Variants in EYS observed in about 807,000 individuals in gnomAD.
EYS encodes the protein EGF-like photoreceptor maintenance factor.
EYS carries 250 observed loss-of-function variants against 282.1 expected under a neutral mutation model. That is an observed-to-expected ratio of 0.89 (90% CI 0.80 to 0.98). The LOEUF (loss-of-function observed/expected upper bound fraction) is 0.98, where lower values mean the gene tolerates loss of function less well. Among genes scored for constraint, EYS ranks in the 50% least tolerant of loss-of-function variants. EYS has a pLI of 0.00. For missense variants in EYS, 4,016 were observed against 3,709.0 expected, an observed-to-expected ratio of 1.08 and a Z score of -2.15; for synonymous variants, 1,355 against 1,282.9, an observed-to-expected ratio of 1.06 and a Z score of -1.20.
chr6:65,364,447 A>T (rs4320350), intron 8 of EYS, among the ~76,000 whole-genome samples: 102,312 of 150,860 alleles, frequency 0.68, 34,922 homozygotes, highest in South Asian at 0.71. Context: ...GTTGAAAAAA[A>T]TTTTTTCAAA....
At chr6:65,685,488 T>C (rs9294646) in intron 1 of EYS, among the ~76,000 whole-genome samples, 65,790 of 151,852 alleles carry the variant, frequency 0.43, 15,346 homozygotes, top group East Asian at 0.65. Flanking sequence ...AGCCAATAGA[T>C]AGACTTAAGG....
At chr6:63,925,896 G>A (rs1322262779) in intron 35 of EYS, among the ~76,000 whole-genome samples, 6 of 152,024 alleles carry the variant, frequency 3.9e-5, no homozygotes, top group Middle Eastern at 3.4e-3. Context: ...CGCCCACCTC[G>A]GCCTCCCAAA....
At position 65,416,363 on chromosome 6, in the gene EYS, C is replaced by T. The variant is rs141312756; in HGVS notation, c.863-10996G>A. 8.1e-3 allele frequency among the ~76,000 whole-genome samples: 1,225 copies of T among 151,974 alleles called. 12 individuals are homozygous for T. Among genetic ancestry groups the T allele is most frequent in the Non-Finnish European group, 0.012 (844 of 67,852 alleles). On this transcript the variant is annotated intron_variant, in intron 5 of 42. Coordinates refer to ENST00000503581, the MANE Select transcript of EYS (RefSeq NM_001142800.2). ...ATGTTCATGATAAAGAAACAATTCT[C>T]CAAGTGTAAGTTATTATCATTTTTA...
At chr6:64,641,300 T>C (rs532440042) in intron 22 of EYS, among the ~76,000 whole-genome samples, 1 of 152,238 alleles carries the variant, frequency 6.6e-6, no homozygotes, top group East Asian at 1.9e-4. Flanking sequence ...GAGAGACTCA[T>C]TCACTATCAC....
In EYS at chr6:65,278,679, T is replaced by A. The variant is rs150555892; in HGVS notation, c.2023+17184A>T. Among the ~76,000 whole-genome samples, 340 of 152,234 alleles carry A rather than the reference T, an allele frequency of 2.2e-3. 3 individuals are homozygous for A. The highest frequency in any genetic ancestry group is 7.4e-3 in the Admixed American group (113 of 15,278). Reference sequence around the variant, plus strand: ...GTTTACTTTGTCATGCTCACTATTGTATATAATTTATCATTTGTTGCTGAC... The same window carrying A: ...GTTTACTTTGTCATGCTCACTATTGAATATAATTTATCATTTGTTGCTGAC... On this transcript the variant is annotated intron_variant, in intron 12 of 42. Transcript: ENST00000503581.
chr6:64,247,816 T>C lies in EYS; in HGVS notation c.6192-16992A>G, dbSNP rs1340478694. On this transcript the variant is annotated intron_variant, in intron 30 of 42. Coordinates refer to ENST00000503581, the MANE Select transcript of EYS (RefSeq NM_001142800.2). ...AACAGAAAACACTTAATAAACAGAC[T>C]CAGGGTCTCAAGGTAAATATTTGTA... 2.6e-5 allele frequency among the ~76,000 whole-genome samples: 4 copies of C among 152,168 alleles called. No homozygotes were observed. The East Asian group carries it at 7.7e-4, about 29-fold the overall frequency.
intron 33 of EYS, among the ~76,000 whole-genome samples, chr6:64,048,696 T>C (rs1469808106): frequency 6.6e-6 from 1 of 152,162 alleles, no homozygotes; most frequent in Non-Finnish European, 1.5e-5. Flanking sequence ...CTAGTCATTT[T>C]TTTTTGTTCA....
At chr6:63,990,422 A>T (rs1476842307) in intron 34 of EYS, among the ~76,000 whole-genome samples, 2 of 151,746 alleles carry the variant, frequency 1.3e-5, no homozygotes, top group Non-Finnish European at 3.0e-5. Context: ...GCATGGCATG[A>T]TGAAGAGAAA....
At chr6:65,655,542 A>G (rs1412143194) in intron 1 of EYS, among the ~76,000 whole-genome samples, 1 of 151,824 alleles carries the variant, frequency 6.6e-6, no homozygotes, top group African/African-American at 2.4e-5. Context: ...ATATCTAGCC[A>G]TGAGAAAAAC....
chr6:64,167,211 C>T (rs1356656796), intron 31 of EYS, among the ~76,000 whole-genome samples: 5 of 152,022 alleles, frequency 3.3e-5, no homozygotes, highest in African/African-American at 7.3e-5. Flanking sequence ...GGAATGATTA[C>T]CATATATTTA....
At chr6:64,912,098 C>T (rs1768013201) in intron 16 of EYS, among the ~76,000 whole-genome samples, 1 of 152,046 alleles carries the variant, frequency 6.6e-6, no homozygotes, top group Non-Finnish European at 1.5e-5. Flanking sequence ...AGAAAATGTA[C>T]AATAGGGCAT....
At chr6:64,114,971 C>T (rs1773327509) in intron 31 of EYS, among the ~76,000 whole-genome samples, 1 of 152,150 alleles carries the variant, frequency 6.6e-6, no homozygotes, top group South Asian at 2.1e-4. Context: ...GGAGCTGCGG[C>T]CACTCTGTGC....
chr6:64,426,782 T>C (rs1045610778), intron 28 of EYS, among the ~76,000 whole-genome samples: 1 of 152,164 alleles, frequency 6.6e-6, no homozygotes, highest in East Asian at 1.9e-4. Context: ...TAAACTTCTA[T>C]AAGCAACTTA....
At chr6:65,225,755 C>T (rs113641708) in intron 12 of EYS, among the ~76,000 whole-genome samples, 1,618 of 149,686 alleles carry the variant, frequency 0.011, 32 homozygotes, top group African/African-American at 0.038. Context: ...AACCAATCCA[C>T]GTAACTTTAA....
intron 10 of EYS, among the ~76,000 whole-genome samples, chr6:65,342,531 C>A (rs1770237957): frequency 6.6e-6 from 1 of 150,454 alleles, no homozygotes; most frequent in African/African-American, 2.4e-5. Context: ...GATGCCTGAA[C>A]AATTAATCAA....
chr6:64,608,170 T>C lies in EYS; in HGVS notation c.3684+9248A>G, dbSNP rs984000491. Among the ~76,000 whole-genome samples, 4 of 152,180 alleles carry C rather than the reference T, an allele frequency of 2.6e-5. No homozygotes were observed. In the East Asian group the frequency reaches 5.8e-4, roughly 22 times the overall value. On this transcript the variant is annotated intron_variant, in intron 24 of 42. Transcript: ENST00000503581. Reference sequence around the variant, plus strand: ...TTAGTTGTGATTAACACCACAATAATTGTAATCCATTCATGTTTTCGTTCA... The same window carrying C: ...TTAGTTGTGATTAACACCACAATAACTGTAATCCATTCATGTTTTCGTTCA...
intron 27 of EYS, among the ~76,000 whole-genome samples, chr6:64,437,288 GA>G (rs1156651268): frequency 1.3e-5 from 2 of 151,290 alleles, no homozygotes; most frequent in African/African-American, 2.4e-5. Flanking sequence ...TATCAAATGG[GA>G]AAAAAATTAA....
Position 65,078,145 on chromosome 6 carries a change from T to C in EYS, c.2024-20418A>G, listed in dbSNP as rs115707124. ...TGTTATTGTAAGATGATTGCTTAAT[T>C]TGTGGAATCTAAACAGCCTATTGTA... On this transcript the variant is annotated intron_variant, in intron 12 of 42. Coordinates refer to ENST00000503581, the MANE Select transcript of EYS (RefSeq NM_001142800.2). Among the ~76,000 whole-genome samples, 320 of 152,192 alleles carry C rather than the reference T, an allele frequency of 2.1e-3. 1 individual carries two copies. Among genetic ancestry groups the C allele is most frequent in the African/African-American group, 6.8e-3 (282 of 41,548 alleles).
chr6:64,650,516 A>T (rs2149877926), intron 22 of EYS, among the ~76,000 whole-genome samples: 1 of 152,202 alleles, frequency 6.6e-6, no homozygotes, highest in African/African-American at 2.4e-5. Context: ...AAAGATTCAT[A>T]GGAGAATTTA....
Sources: gnomAD v4.1 joint callset for allele counts (sites outside exome capture counted in the v4.1 genomes callset) on GRCh38, gnomAD v4.1.1 for gene constraint, MANE v1.5 for transcripts, NCBI Gene and HGNC (gene_info 2026-07-23, HGNC 2026-07-21) for gene names.